Variants in SCYL1 observed in about 807,000 individuals in gnomAD.
The protein encoded by SCYL1 is N-terminal kinase-like protein.
SCYL1 carries 85 observed loss-of-function variants against 94.8 expected under a neutral mutation model. The observed-to-expected ratio is 0.90, with a 90% CI of 0.75 to 1.07. The LOEUF (loss-of-function observed/expected upper bound fraction) is 1.07, where lower values mean the gene tolerates loss of function less well. Among genes scored for constraint, SCYL1 ranks in the 50% least tolerant of loss-of-function variants. SCYL1 has a pLI of 0.00. For missense variants in SCYL1, 968 were observed against 1,083.3 expected (o/e 0.89, Z 1.49); for synonymous variants, 459 against 435.5 (o/e 1.05, Z -0.67).
chr11:65,525,922 C>A lies in SCYL1; in HGVS notation c.254C>A (p.Thr85Lys). 6.2e-7 allele frequency: 1 copy of A among 1,613,000 alleles called. No homozygotes were observed. The highest frequency in any genetic ancestry group is 1.1e-5 in the South Asian group (1 of 90,964). Reference sequence around the variant, plus strand: ...ATAACCCTGTGTCCCCTTCCCCAGACAGAAAAATGCCTCCACGTCGTGACA... The same window carrying A: ...ATAACCCTGTGTCCCCTTCCCCAGAAAGAAAAATGCCTCCACGTCGTGACA... ...NILAYIDGLE[T>K]EKCLHVVTEA... The change falls in exon 3 of 18, where the codon ACA becomes AAA. Residue 85 changes from threonine (T) to lysine (K), a missense_variant and splice_region_variant. Coordinates refer to ENST00000270176, the MANE Select transcript of SCYL1 (RefSeq NM_020680.4).
At chr11:65,532,628 C>T in intron 8 of SCYL1, 64 bp from the exon 9 acceptor site, 2 of 1,331,806 alleles carry the variant, frequency 1.5e-6, no homozygotes, top group Non-Finnish European at 1.1e-6. Context: ...AGGAGCGGTT[C>T]CATGGCTATG....
At position 65,525,135 on chromosome 11, in the gene SCYL1, C is replaced by CGCG. The variant is rs968285717; in HGVS notation, c.-11_-9dup. Reference sequence around the variant, plus strand: ...GACCCGGAGCTAAGGCGCCCGAACCCGCGGCGGCGGTGGGGACGATGTGGT... The same window carrying CGCG: ...GACCCGGAGCTAAGGCGCCCGAACCCGCGGCGGCGGCGGTGGGGACGATGTGGT... On this transcript the variant is annotated 5_prime_UTR_variant, in exon 1 of 18. Coordinates refer to ENST00000270176, the MANE Select transcript of SCYL1 (RefSeq NM_020680.4). 19 of 1,312,494 alleles carry CGCG rather than the reference C, an allele frequency of 1.4e-5. No homozygotes were observed. In the African/African-American group the frequency reaches 2.8e-4, roughly 19 times the overall value. The allele number at this position is 1,312,494 out of a possible 1,614,324, so 81.3% of individuals were successfully genotyped here.
chr11:65,537,078 G>C lies in SCYL1; in HGVS notation c.1909G>C (p.Asp637His). The C allele has an allele frequency of 2.5e-6, 4 of 1,614,174 alleles. No individual in the cohort carries two copies. Among genetic ancestry groups the C allele is most frequent in the Non-Finnish European group, 3.4e-6 (4 of 1,179,992 alleles). ...TQEEDKDTAE[D>H]SSTADRWDDE... Reference sequence around the variant, plus strand: ...GGAGGAGGACAAGGACACAGCAGAGGACAGCAGCACTGCTGACAGATGGGA... The same window carrying C: ...GGAGGAGGACAAGGACACAGCAGAGCACAGCAGCACTGCTGACAGATGGGA... Residue 637 changes from aspartate to histidine, a missense_variant, in exon 14 of 18, where the codon GAC (aspartate) becomes CAC (histidine). Physicochemically the swap from Asp to His is moderately conservative, Grantham distance 81. Transcript: ENST00000270176.
chr11:65,537,869 C>T lies in SCYL1; in HGVS notation c.2020C>T (p.Arg674Cys), dbSNP rs776868320. The T allele has an allele frequency of 9.5e-6, 15 of 1,577,158 alleles. No individual in the cohort carries two copies. The highest frequency in any genetic ancestry group is 1.2e-5 in the South Asian group (1 of 86,064). ...DDWSTGGQVS[R>C]ASQVSNSDHK... Reference sequence around the variant, plus strand: ...CTGGAGCACCGGGGGCCAAGTGAGCCGTGCTAGTCAGGTGAGCTGGGTCTG... The same window carrying T: ...CTGGAGCACCGGGGGCCAAGTGAGCTGTGCTAGTCAGGTGAGCTGGGTCTG... Residue 674 changes from arginine to cysteine, a missense_variant, in exon 15 of 18, where the codon CGT (arginine) becomes TGT (cysteine). Transcript: ENST00000270176.
At position 65,538,455 on chromosome 11, in the gene SCYL1, T is replaced by A; in HGVS notation, c.2316T>A (p.Ala772=). Residue 772 remains alanine, a synonymous_variant, in exon 18 of 18, where the codon GCT becomes GCA. Coordinates refer to ENST00000270176, the MANE Select transcript of SCYL1 (RefSeq NM_020680.4). ...GLETDSRQVK[A]ELARKKREER... ...TCCTGACGCCAGGACAGGTCAAGGC[T>A]GAGCTGGCCCGGAAGAAGCGCGAGG... is the stretch of plus-strand genomic sequence containing the variant. The A allele has an allele frequency of 6.4e-7, 1 of 1,564,886 alleles. No individual in the cohort carries two copies. The highest frequency in any genetic ancestry group is 1.2e-5 in the South Asian group (1 of 85,540).
chr11:65,532,060 C>T (rs1400035013), intron 8 of SCYL1, among the ~76,000 whole-genome samples: 2 of 152,226 alleles, frequency 1.3e-5, no homozygotes, highest in Non-Finnish European at 2.9e-5. Context: ...GACCACCAAA[C>T]ACACCAGTCC....
chr11:65,536,916 C>T, intron 13 of SCYL1, 70 bp from the exon 14 acceptor site: 1 of 1,280,684 alleles, frequency 7.8e-7, no homozygotes, highest in Non-Finnish European at 1.1e-6. Flanking sequence ...CCCCAGTAGC[C>T]CCCTTCCCCT....
At position 65,532,798 on chromosome 11, in the gene SCYL1, C is replaced by G. The variant is rs763690516; in HGVS notation, c.1223C>G (p.Thr408Arg). 1 of 1,613,346 alleles carries G rather than the reference C, an allele frequency of 6.2e-7. No homozygotes were observed. The highest frequency in any genetic ancestry group is 8.5e-7 in the Non-Finnish European group (1 of 1,179,316). ...LDTNPAIREQ[T>R]VKSMLLLAPK... ...ACCAACCCTGCCATCCGGGAGCAGA[C>G]GGTCAAGGTGGGTGTGGCCAGGCCC... Residue 408 changes from threonine to arginine, a missense_variant, in exon 9 of 18, where the codon ACG (threonine) becomes AGG (arginine). By Grantham distance (71) the Thr-to-Arg change is moderately conservative. Coordinates refer to ENST00000270176, the MANE Select transcript of SCYL1 (RefSeq NM_020680.4).
At chr11:65,527,258 T>C (rs943510708) in intron 6 of SCYL1, 141 bp downstream of exon 6, 1 of 865,882 alleles carries the variant, frequency 1.2e-6, no homozygotes, top group Non-Finnish European at 1.8e-6. Flanking sequence ...AAACCCAGGC[T>C]CCAGCTCATA....
chr11:65,532,249 A>G (rs1855411786), intron 8 of SCYL1, among the ~76,000 whole-genome samples: 1 of 151,814 alleles, frequency 6.6e-6, no homozygotes, highest in South Asian at 2.1e-4. Flanking sequence ...ACTTGGCGAA[A>G]CCCCGTCTCT....
rs576022375 is a variant in SCYL1, at chr11:65,527,553, A to G, written c.849+436A>G. Among the ~76,000 whole-genome samples the G allele has an allele frequency of 1.1e-3, 167 of 152,098 alleles. 1 individual carries two copies. Among genetic ancestry groups the G allele is most frequent in the African/African-American group, 3.9e-3 (163 of 41,476 alleles). On this transcript the variant is annotated intron_variant, in intron 6 of 17. Transcript: ENST00000270176. ...CAGGAATTCGACACCAGCCTGACCAACATGGAGAAACCCCATCTCTACTAA... is the reference window on the plus strand; with the variant it reads ...CAGGAATTCGACACCAGCCTGACCAGCATGGAGAAACCCCATCTCTACTAA...
Position 65,526,669 on chromosome 11 carries a change from A to G in SCYL1, c.603-114A>G. ...ACCTGCCTCTTGGGACTGATGGCTC[A>G]GCTGAGGGACATAGCCAGGCCCTGG... On this transcript the variant is annotated intron_variant, in intron 4 of 17. Coordinates refer to ENST00000270176, the MANE Select transcript of SCYL1 (RefSeq NM_020680.4). The surrounding 1 kb of genome is among the most constrained non-coding windows in gnomAD (Gnocchi z 4.1). The G allele has an allele frequency of 6.0e-6, 6 of 997,290 alleles. No individual in the cohort carries two copies. The highest frequency in any genetic ancestry group is 8.9e-6 in the Non-Finnish European group (6 of 672,612). 61.8% of individuals were successfully genotyped at this position (997,290 alleles called of 1,614,324 possible). A position where few individuals can be genotyped will look rare whatever the true frequency, so the allele number is the denominator to read the frequency against.
intron 14 of SCYL1, among the ~76,000 whole-genome samples, chr11:65,537,390 C>T (rs1238762191): frequency 6.6e-6 from 1 of 152,190 alleles, no homozygotes; most frequent in African/African-American, 2.4e-5. Context: ...ACACCGTCCC[C>T]CTTTCCCCTC....
chr11:65,527,487 C>G (rs542920345), intron 6 of SCYL1, among the ~76,000 whole-genome samples: 30 of 152,082 alleles, frequency 2.0e-4, no homozygotes, highest in Admixed American at 9.2e-4. Flanking sequence ...GCCTGTAATC[C>G]CAGCACTTTG....
chr11:65,535,831 C>A, intron 10 of SCYL1, 122 bp from the exon 11 acceptor site: 1 of 955,556 alleles, frequency 1.0e-6, no homozygotes, highest in Non-Finnish European at 1.6e-6. Flanking sequence ...TTAAGTGATT[C>A]ATTCATATTT....
At chr11:65,536,531 C>A in intron 12 of SCYL1, 55 bp from the exon 13 acceptor site, 4 of 1,589,956 alleles carry the variant, frequency 2.5e-6, no homozygotes, top group Non-Finnish European at 3.4e-6. Context: ...GCTGTCCTGT[C>A]ACCCATGGGT....
intron 17 of SCYL1, 45 bp downstream of exon 17, chr11:65,538,369 T>C: frequency 6.5e-7 from 1 of 1,538,968 alleles, no homozygotes; most frequent in South Asian, 1.2e-5. Context: ...GCTCCCCGAC[T>C]AGCCCGCCCC....
In SCYL1 at chr11:65,526,067, G is replaced by T; in HGVS notation, c.375+24G>T. 3 of 1,611,812 alleles carry T rather than the reference G, an allele frequency of 1.9e-6. No homozygotes were observed. Among genetic ancestry groups the T allele is most frequent in the Non-Finnish European group, 2.5e-6 (3 of 1,179,060 alleles). ...TGGTGAGGTGGGGGGCAGTGGTGAT[G>T]AGAGCAGGGATGGGGGGTTGCAGGT... On this transcript the variant is annotated intron_variant, in intron 3 of 17. Transcript: ENST00000270176. The surrounding 1 kb of genome is among the most constrained non-coding windows in gnomAD (Gnocchi z 4.1).
chr11:65,536,936 T>A, intron 13 of SCYL1, 50 bp from the exon 14 acceptor site: 2 of 1,411,662 alleles, frequency 1.4e-6, no homozygotes, highest in Non-Finnish European at 2.0e-6. Flanking sequence ...TAGCAGCCTC[T>A]GCCCTGTCCC....
Sources: allele counts gnomAD v4.1 joint callset (sites outside exome capture counted in the v4.1 genomes callset), GRCh38; gene constraint gnomAD v4.1.1; non-coding constraint Gnocchi (gnomAD v3.1); transcripts MANE v1.5; gene names NCBI Gene and HGNC (gene_info 2026-07-23, HGNC 2026-07-21).